Variants in CARMIL3 observed in about 807,000 individuals in gnomAD.
CARMIL3 encodes the protein capping protein, Arp2/3 and myosin-I linker protein 3.
A neutral mutation model predicts 180.8 loss-of-function variants in CARMIL3; 88 were observed. The ratio of observed to expected loss-of-function variants is 0.49; its 90% CI spans 0.41 to 0.58. The LOEUF (loss-of-function observed/expected upper bound fraction) is 0.58. Ranked by LOEUF, CARMIL3 falls within the 20% of genes least tolerant of loss-of-function variation. The pLI, the probability that CARMIL3 is intolerant of heterozygous loss-of-function variation, is 0.00. For synonymous variants in CARMIL3, 696 were observed against 714.5 expected (o/e 0.97, Z 0.41); for missense variants, 1,548 against 1,787.0 (o/e 0.87, Z 2.41).
rs1397078166 is a variant in CARMIL3, at chr14:24,054,842, T to C, written c.460+34T>C. The C allele has an allele frequency of 1.9e-6, 3 of 1,589,836 alleles. No homozygotes were observed. The highest frequency in any genetic ancestry group is 1.7e-4 in the Middle Eastern group (1 of 6,022). On this transcript the variant is annotated intron_variant, in intron 6 of 39. Transcript: ENST00000342740. This position sits in a 1 kb window ranked among gnomAD's most constrained non-coding sequence, Gnocchi z 5.1. Reference sequence around the variant, plus strand: ...GGGCAGATGTGAGGAAAGTAGGCGCTCCACCATCTTGCCCCATGATCAGAG... The same window carrying C: ...GGGCAGATGTGAGGAAAGTAGGCGCCCCACCATCTTGCCCCATGATCAGAG...
At position 24,059,278 on chromosome 14, in the gene CARMIL3, G is replaced by A. The variant is rs565345442; in HGVS notation, c.1635G>A (p.Gln545=). 6 of 1,614,008 alleles carry A rather than the reference G, an allele frequency of 3.7e-6. No individual in the cohort carries two copies. The East Asian group carries it at 1.3e-4, about 36-fold the overall frequency. Residue 545 remains glutamine (Q), a synonymous_variant, in exon 21 of 40, where the codon CAG becomes CAA. Transcript: ENST00000342740. The surrounding 1 kb of genome is among the most constrained non-coding windows in gnomAD (Gnocchi z 6.3). ...GCCCCTTGCCCACACAGTCCCTGCA[G>A]TCACTGTCGGTGGCAGACTCCCGGC... ...QLIQEEDCSL[Q]SLSVADSRLK... is the part of the protein sequence containing the mutation.
In CARMIL3 at chr14:24,059,100, C is replaced by T. The variant is rs1381613083; in HGVS notation, c.1572-35C>T. 11 of 1,586,808 alleles carry T rather than the reference C, an allele frequency of 6.9e-6. No individual in the cohort carries two copies. The highest frequency in any genetic ancestry group is 4.6e-5 in the South Asian group (4 of 87,876). ...CTCCTCCAATAGCATGACCCCAGCC[C>T]TTCCCCTCCTACTCTGAGCCCCGCC... is the stretch of plus-strand genomic sequence containing the variant. On this transcript the variant is annotated intron_variant, in intron 19 of 39. Coordinates refer to ENST00000342740, the MANE Select transcript of CARMIL3 (RefSeq NM_138360.4). This position sits in a 1 kb window ranked among gnomAD's most constrained non-coding sequence, Gnocchi z 6.3.
Position 24,058,350 on chromosome 14 carries a change from C to T in CARMIL3, c.1392+126C>T. ...CTGCGACCCCCTGACCTGGCCACAC[C>T]ACCACTTTCCCCTCTCAGTCTGGCC... On this transcript the variant is annotated intron_variant, in intron 17 of 39. Coordinates refer to ENST00000342740, the MANE Select transcript of CARMIL3 (RefSeq NM_138360.4). This position sits in a 1 kb window ranked among gnomAD's most constrained non-coding sequence, Gnocchi z 6.4. 3.1e-6 allele frequency: 3 copies of T among 957,910 alleles called. No individual in the cohort carries two copies. Among genetic ancestry groups the T allele is most frequent in the African/African-American group, 1.6e-5 (1 of 60,884 alleles). The allele number at this position is 957,910 out of a possible 1,614,324, so 59.3% of individuals were successfully genotyped here. A position where few individuals can be genotyped will look rare whatever the true frequency, so the allele number is the denominator to read the frequency against.
In CARMIL3 at chr14:24,052,038, G is replaced by T. The variant is rs982730651; in HGVS notation, c.-116G>T. ...AGCCGCCCCTGACCGGAGCGGGCTC[G>T]GCCGCTGCTGCAGCGCTCAGCGCCC... On this transcript the variant is annotated 5_prime_UTR_variant, in exon 1 of 40. Coordinates refer to ENST00000342740, the MANE Select transcript of CARMIL3 (RefSeq NM_138360.4). 5.8e-4 allele frequency: 616 copies of T among 1,053,070 alleles called. 1 individual carries two copies. Among genetic ancestry groups the T allele is most frequent in the Non-Finnish European group, 6.1e-4 (485 of 789,430 alleles). 65.2% of individuals were successfully genotyped at this position (1,053,070 alleles called of 1,614,324 possible).
In CARMIL3 at chr14:24,065,240, TG is replaced by T; in HGVS notation, c.3368del (p.Gly1123AlafsTer105). 2 of 1,549,014 alleles carry T rather than the reference TG, an allele frequency of 1.3e-6. No homozygotes were observed. Among genetic ancestry groups the T allele is most frequent in the South Asian group, 1.3e-5 (1 of 78,344 alleles). ...EESSLLPGFG[G>X]GRGPSFRRKM... ...AGAGCAGCCTCCTCCCTGGATTTGG[TG>T]GGGGCCGGGGACCTTCCTTCCGCCG... On this transcript the variant is annotated frameshift_variant, in exon 33 of 40. Coordinates refer to ENST00000342740, the MANE Select transcript of CARMIL3 (RefSeq NM_138360.4). LOFTEE classifies it high-confidence loss of function.
intron 1 of CARMIL3, 38 bp downstream of exon 1, chr14:24,052,231 G>C (rs765069946): frequency 6.4e-7 from 1 of 1,557,086 alleles, no homozygotes; most frequent in East Asian, 2.5e-5. Flanking sequence ...GCCCCGTCCG[G>C]GAGCATCCCA....
In CARMIL3 at chr14:24,056,353, G is replaced by A; in HGVS notation, c.825G>A (p.Leu275=). Residue 275 remains leucine, a synonymous_variant, in exon 11 of 40, where the codon CTG becomes CTA. Coordinates refer to ENST00000342740, the MANE Select transcript of CARMIL3 (RefSeq NM_138360.4). ...GVFGENGSCV[L]HALTLSHNPI... Reference sequence around the variant, plus strand: ...TTGGGGAGAACGGGAGCTGTGTGCTGCATGCCCTCACTCTGTCCCACAACC... The same window carrying A: ...TTGGGGAGAACGGGAGCTGTGTGCTACATGCCCTCACTCTGTCCCACAACC... The A allele has an allele frequency of 6.2e-7, 1 of 1,613,962 alleles. No homozygotes were observed. Among genetic ancestry groups the A allele is most frequent in the Non-Finnish European group, 8.5e-7 (1 of 1,179,906 alleles).
At chr14:24,057,694 A>C in intron 14 of CARMIL3, 109 bp from the exon 15 acceptor site, 1 of 913,162 alleles carries the variant, frequency 1.1e-6, no homozygotes, top group South Asian at 1.4e-5. Flanking sequence ...CAGGCTGACC[A>C]CAGAGAATGA....
Position 24,053,802 on chromosome 14 carries a change from T to C in CARMIL3, c.134T>C (p.Leu45Pro). 1 of 1,611,160 alleles carries C rather than the reference T, an allele frequency of 6.2e-7. No individual in the cohort carries two copies. The highest frequency in any genetic ancestry group is 8.5e-7 in the Non-Finnish European group (1 of 1,178,342). ...TKPKKFEDRV[L>P]ALTSWRLHLF... is the part of the protein sequence containing the mutation. The stretch of plus-strand genomic sequence containing the variant: ...CCCAAGAAGTTTGAGGACCGAGTGC[T>C]GGTGAGGGCACTGGGCATGTGGGGA... The change falls in exon 2 of 40, where the codon CTG (leucine) becomes CCG (proline). Residue 45 changes from leucine to proline, a missense_variant and splice_region_variant. This residue lies in a region of CARMIL3 where 578 missense variants were observed against 666.5 expected (regional missense o/e 0.87). Transcript: ENST00000342740.
Position 24,054,018 on chromosome 14 carries a change from G to A in CARMIL3, c.136-70G>A. The A allele has an allele frequency of 6.4e-7, 1 of 1,559,058 alleles. No individual in the cohort carries two copies. The highest frequency in any genetic ancestry group is 8.8e-7 in the Non-Finnish European group (1 of 1,137,052). On this transcript the variant is annotated intron_variant, in intron 2 of 39. Transcript: ENST00000342740. This position sits in a 1 kb window ranked among gnomAD's most constrained non-coding sequence, Gnocchi z 5.1. ...GACACTCCAAGAGCAGAGCTGAAGG[G>A]CTTAAGGAGGGCAGGGCCACCAAGG...
intron 37 of CARMIL3, 24 bp downstream of exon 37, chr14:24,068,726 G>A: frequency 6.2e-7 from 1 of 1,613,496 alleles, no homozygotes; most frequent in Non-Finnish European, 8.5e-7. Context: ...AGATGGGTGG[G>A]GGAGGCACTT....
In CARMIL3 at chr14:24,060,608, C is replaced by T. The variant is rs1208215823; in HGVS notation, c.2062-20C>T. ...TGTGGAAGCAGGGGTCCCCTTGACA[C>T]CCCTGCCACTGTGCTCCAGATGCTG... On this transcript the variant is annotated intron_variant, in intron 24 of 39. Transcript: ENST00000342740. 1.9e-6 allele frequency: 3 copies of T among 1,612,288 alleles called. No homozygotes were observed. Among genetic ancestry groups the T allele is most frequent in the Non-Finnish European group, 1.7e-6 (2 of 1,179,088 alleles).
intron 1 of CARMIL3, among the ~76,000 whole-genome samples, 171 bp from the exon 2 acceptor site, chr14:24,053,538 T>G (rs1348461163): frequency 6.6e-6 from 1 of 152,218 alleles, no homozygotes; most frequent in South Asian, 2.1e-4. Context: ...AAAGAGACAG[T>G]GTGAAAAGTC....
At chr14:24,065,317 C>A in intron 33 of CARMIL3, 44 bp downstream of exon 33, 1 of 1,449,226 alleles carries the variant, frequency 6.9e-7, no homozygotes, top group Non-Finnish European at 9.1e-7. Context: ...TTTCCTGCCC[C>A]ACACTTAACC....
chr14:24,066,170 TAC>T (rs567366925), intron 34 of CARMIL3, among the ~76,000 whole-genome samples: 69 of 152,272 alleles, frequency 4.5e-4, no homozygotes, highest in African/African-American at 1.6e-3. Flanking sequence ...TTTTTTCTAC[TAC>T]ATGTAAAATA....
rs887998975 is a variant in CARMIL3 at position 24,060,144 on chromosome 14, C to G, written c.1963-13C>G. 7.4e-6 allele frequency: 12 copies of G among 1,613,972 alleles called. No individual in the cohort carries two copies. The highest frequency in any genetic ancestry group is 2.7e-5 in the African/African-American group (2 of 74,956). On this transcript the variant is annotated splice_polypyrimidine_tract_variant and intron_variant, in intron 23 of 39. Coordinates refer to ENST00000342740, the MANE Select transcript of CARMIL3 (RefSeq NM_138360.4). ...ATCCCCAGGCCCTGACCCACCAACC[C>G]CATCATCTCCAGATCCAATGGTGCT...
rs758122543 is a variant in CARMIL3 at position 24,056,743 on chromosome 14, A to G, written c.952+35A>G. The G allele has an allele frequency of 2.5e-6, 4 of 1,597,620 alleles. No individual in the cohort carries two copies. In the African/African-American group the frequency reaches 4.0e-5, roughly 16 times the overall value. On this transcript the variant is annotated intron_variant, in intron 12 of 39. Coordinates refer to ENST00000342740, the MANE Select transcript of CARMIL3 (RefSeq NM_138360.4). The stretch of plus-strand genomic sequence containing the variant: ...CCAAGGACCCCTGACCTCTGACCCT[A>G]CCCTGGTGCTGCCTGGGGTGTTGAG...
At position 24,058,113 on chromosome 14, in the gene CARMIL3, C is replaced by T. The variant is rs777790483; in HGVS notation, c.1323-42C>T. The T allele has an allele frequency of 4.1e-5, 66 of 1,613,530 alleles. No homozygotes were observed. The highest frequency in any genetic ancestry group is 5.1e-5 in the Non-Finnish European group (60 of 1,179,918). On this transcript the variant is annotated intron_variant, in intron 16 of 39. Coordinates refer to ENST00000342740, the MANE Select transcript of CARMIL3 (RefSeq NM_138360.4). The surrounding 1 kb of genome is among the most constrained non-coding windows in gnomAD (Gnocchi z 6.4). ...GCGCATCCAAGGGAACCACGGGGAG[C>T]GGGAAGAGGTAAAGGAGGGCCTGCT... is the stretch of plus-strand genomic sequence containing the variant.
chr14:24,064,897 T>C (rs2035768929), intron 32 of CARMIL3, 61 bp from the exon 33 acceptor site: 1 of 1,547,100 alleles, frequency 6.5e-7, no homozygotes, highest in Admixed American at 1.9e-5. Flanking sequence ...AGCAGGTTTA[T>C]CAGACCCAGG....
Sources: gnomAD v4.1 joint callset for allele counts (sites outside exome capture counted in the v4.1 genomes callset) on GRCh38, gnomAD v4.1.1 for gene constraint, gnomAD v4.1.1 regional missense constraint, Gnocchi (gnomAD v3.1) non-coding constraint, MANE v1.5 for transcripts, NCBI Gene and HGNC (gene_info 2026-07-23, HGNC 2026-07-21) for gene names.